SMAD9: variants seen among roughly 807,000 people sequenced by gnomAD.
SMAD9 encodes MAD homolog 9.
In SMAD9, 36 loss-of-function variants were observed where a neutral mutation model predicts 46.1. The ratio of observed to expected loss-of-function variants is 0.78; its 90% CI spans 0.60 to 1.03. The LOEUF (loss-of-function observed/expected upper bound fraction) is 1.03. Among genes scored for constraint, SMAD9 ranks in the 50% least tolerant of loss-of-function variants. SMAD9 has a pLI of 0.00. For missense variants in SMAD9, 572 were observed against 599.8 expected, an observed-to-expected ratio of 0.95 and a Z score of 0.48; for synonymous variants, 245 against 237.1, an observed-to-expected ratio of 1.03 and a Z score of -0.31.
chr13:36,909,565 ATTAT>A (rs1049549172), intron 1 of SMAD9, among the ~76,000 whole-genome samples: 1 of 152,176 alleles, frequency 6.6e-6, no homozygotes, highest in Non-Finnish European at 1.5e-5. Flanking sequence ...GTGTTATTTT[ATTAT>A]TTAAGTTTGG....
intron 5 of SMAD9, among the ~76,000 whole-genome samples, chr13:36,857,981 CT>C (rs927977410): frequency 3.3e-5 from 5 of 152,036 alleles, no homozygotes; most frequent in Admixed American, 3.3e-4. Flanking sequence ...GGTATTATTT[CT>C]TATATAGTTA....
intron 5 of SMAD9, among the ~76,000 whole-genome samples, chr13:36,855,540 T>G (rs2138303817): frequency 6.6e-6 from 1 of 152,302 alleles, no homozygotes; most frequent in East Asian, 1.9e-4. Context: ...AGTTATAAGG[T>G]GTTTGTAGAA....
chr13:36,919,835 C>G (rs1250889076), intron 1 of SMAD9, among the ~76,000 whole-genome samples: 1 of 149,794 alleles, frequency 6.7e-6, no homozygotes, highest in Admixed American at 6.6e-5. Context: ...CCCACCCCAC[C>G]CCACTCCACC....
At chr13:36,918,067 T>C (rs2058712357) in intron 1 of SMAD9, among the ~76,000 whole-genome samples, 1 of 152,176 alleles carries the variant, frequency 6.6e-6, no homozygotes, top group African/African-American at 2.4e-5. Context: ...ACAAAACTCT[T>C]CTTTCTCATC....
chr13:36,912,228 G>A (rs1255258791), intron 1 of SMAD9, among the ~76,000 whole-genome samples: 1 of 152,126 alleles, frequency 6.6e-6, no homozygotes, highest in Non-Finnish European at 1.5e-5. Context: ...TTTGCCTACA[G>A]ATTAAATCCA....
At chr13:36,915,858 G>A (rs1168272248) in intron 1 of SMAD9, among the ~76,000 whole-genome samples, 1 of 152,086 alleles carries the variant, frequency 6.6e-6, no homozygotes, top group Non-Finnish European at 1.5e-5. Flanking sequence ...TGAAAAATGC[G>A]TTTTGAGCTG....
In SMAD9 at chr13:36,879,462, G is replaced by A. The variant is rs938475620; in HGVS notation, c.228C>T (p.Asp76=). ...SKCVTIPRSL[D]GRLQVSHRKG... is the part of the protein sequence containing the mutation. ...TGCGGTGGGACACCTGCAGCCGCCC[G>A]TCCAGGGAGCGGGGAATCGTGACGC... The change falls in exon 2 of 7, where the codon GAC becomes GAT. Residue 76 remains aspartate (D), a synonymous_variant. Transcript: ENST00000379826. 8.7e-6 allele frequency: 14 copies of A among 1,613,658 alleles called. No individual in the cohort carries two copies. The highest frequency in any genetic ancestry group is 5.0e-5 in the Admixed American group (3 of 60,010).
rs537905821 is a variant in SMAD9, at chr13:36,880,019, G to A, written c.-186-144C>T. On this transcript the variant is annotated intron_variant, in intron 1 of 6. Transcript: ENST00000379826. The stretch of plus-strand genomic sequence containing the variant: ...CTCGAGCCCAGGAGGTCAAGGCTGC[G>A]CCACTGCACTCCAGCCTGAGCAACA... 93 of 371,984 alleles carry A rather than the reference G, an allele frequency of 2.5e-4. No individual in the cohort carries two copies. The Middle Eastern group carries it at 4.9e-3, about 20-fold the overall frequency. 23.0% of individuals were successfully genotyped at this position (371,984 alleles called of 1,614,324 possible).
chr13:36,895,517 C>A (rs1380120521), intron 1 of SMAD9, among the ~76,000 whole-genome samples: 2 of 152,146 alleles, frequency 1.3e-5, no homozygotes. Context: ...AAAAATGTCT[C>A]CAGACATTGT....
At chr13:36,895,844 C>T (rs953637127) in intron 1 of SMAD9, among the ~76,000 whole-genome samples, 5 of 152,014 alleles carry the variant, frequency 3.3e-5, no homozygotes, top group African/African-American at 1.2e-4. Context: ...TTTTTATATT[C>T]AGATATTAAT....
At chr13:36,866,009 T>A (rs1536654) in intron 4 of SMAD9, among the ~76,000 whole-genome samples, 1 of 151,856 alleles carries the variant, frequency 6.6e-6, no homozygotes, top group Non-Finnish European at 1.5e-5. Flanking sequence ...CATTTATAAA[T>A]GTGTATTGGT....
chr13:36,848,350 T>C lies in SMAD9; in HGVS notation c.*326A>G. 1 of 342,954 alleles carries C rather than the reference T, an allele frequency of 2.9e-6. No individual in the cohort carries two copies. The highest frequency in any genetic ancestry group is 3.0e-5 in the South Asian group (1 of 33,878). The allele number at this position is 342,954 out of a possible 1,614,324, so 21.2% of individuals were successfully genotyped here. A position where few individuals can be genotyped will look rare whatever the true frequency, so the allele number is the denominator to read the frequency against. On this transcript the variant is annotated 3_prime_UTR_variant, in exon 7 of 7. Transcript: ENST00000379826. ...GTTTCTGTGAGGCCACACAACATGC[T>C]TTATAATGACACGGCTGACTAAAGC... is the stretch of plus-strand genomic sequence containing the variant.
chr13:36,851,683 T>C, intron 6 of SMAD9: 2 of 934,432 alleles, frequency 2.1e-6, no homozygotes, highest in Non-Finnish European at 2.6e-6. Context: ...TAAAGAGATC[T>C]GATCCATCAG....
rs1002785688 is a variant in SMAD9 at position 36,851,970 on chromosome 13, A to G, written c.1260+1449T>C. ...CCTAATTTTAAAAACACAGACCCGGAAAAAAAAAAAACTGTATGATTCAAA... is the reference window on the plus strand; with the variant it reads ...CCTAATTTTAAAAACACAGACCCGGGAAAAAAAAAAACTGTATGATTCAAA... On this transcript the variant is annotated intron_variant, in intron 6 of 6. Coordinates refer to ENST00000379826, the MANE Select transcript of SMAD9 (RefSeq NM_001127217.3). The G allele has an allele frequency of 1.2e-5, 8 of 642,638 alleles. No homozygotes were observed. The African/African-American group carries it at 1.8e-4, about 15-fold the overall frequency. 39.8% of individuals were successfully genotyped at this position (642,638 alleles called of 1,614,324 possible).
chr13:36,853,288 AAAT>A (rs761238448), intron 6 of SMAD9, 128 bp downstream of exon 6: 139 of 884,362 alleles, frequency 1.6e-4, no homozygotes, highest in African/African-American at 6.7e-4. Flanking sequence ...CCGTCTCAAA[AAAT>A]AATAATAATA....
rs892828069 is a variant in SMAD9, at chr13:36,917,137, CAAG to C, written c.-187+2976_-187+2978del. On this transcript the variant is annotated intron_variant, in intron 1 of 6. Transcript: ENST00000379826. ...AAGTGTCAGGATGAAGACCACCAAG[CAAG>C]AAGAACATCCAGTTTTCATGGGTAT... is the stretch of plus-strand genomic sequence containing the variant. 5.9e-5 allele frequency among the ~76,000 whole-genome samples: 9 copies of C among 152,170 alleles called. No homozygotes were observed. In the South Asian group the frequency reaches 8.3e-4, roughly 14 times the overall value.
In SMAD9 at chr13:36,879,288, C is replaced by T. The variant is rs2058377642; in HGVS notation, c.402G>A (p.Val134=). The change falls in exon 2 of 7, where the codon GTG becomes GTA. Residue 134 remains valine, a synonymous_variant. Transcript: ENST00000379826. ...VCINPYHYRR[V]ETPVLPPVLV... Reference sequence around the variant, plus strand: ...GTAAAGACGACCCACCTGGAGTCTCCACCCGGCGGTAGTGGTAAGGGTTAA... The same window carrying T: ...GTAAAGACGACCCACCTGGAGTCTCTACCCGGCGGTAGTGGTAAGGGTTAA... The T allele has an allele frequency of 6.2e-7, 1 of 1,614,024 alleles. No homozygotes were observed. The highest frequency in any genetic ancestry group is 8.5e-7 in the Non-Finnish European group (1 of 1,179,996).
chr13:36,914,809 T>A (rs1401726488), intron 1 of SMAD9, among the ~76,000 whole-genome samples: 1 of 152,194 alleles, frequency 6.6e-6, no homozygotes, highest in East Asian at 1.9e-4. Context: ...CTCCTGGCAC[T>A]TCAGTTGAAC....
intron 1 of SMAD9, among the ~76,000 whole-genome samples, chr13:36,902,623 T>A (rs528162695): frequency 6.6e-6 from 1 of 151,978 alleles, no homozygotes; most frequent in Non-Finnish European, 1.5e-5. Flanking sequence ...CCATCTAATT[T>A]TTTTTTGTAT....
Sources: allele counts gnomAD v4.1 joint callset (sites outside exome capture counted in the v4.1 genomes callset), GRCh38; gene constraint gnomAD v4.1.1; transcripts MANE v1.5; gene names NCBI Gene and HGNC (gene_info 2026-07-23, HGNC 2026-07-21).